TMEM53: variants seen among roughly 807,000 people sequenced by gnomAD.
TMEM53 encodes transmembrane protein 53.
In TMEM53, 14 loss-of-function variants were observed where a neutral mutation model predicts 21.4. The observed-to-expected ratio is 0.65, with a 90% CI of 0.43 to 1.02. The LOEUF (loss-of-function observed/expected upper bound fraction) is 1.02, where lower values mean the gene tolerates loss of function less well. TMEM53 is among the 50% of genes least tolerant of loss of function. The probability of loss-of-function intolerance (pLI) is 0.00; values close to 1 mark genes in which losing one functional copy is unlikely to be tolerated. For synonymous variants in TMEM53, 148 were observed against 157.4 expected (o/e 0.94, Z 0.45); for missense variants, 323 against 383.6 (o/e 0.84, Z 1.32).
chr1:44,660,636 T>G (rs1188764045), intron 1 of TMEM53, among the ~76,000 whole-genome samples: 2 of 152,172 alleles, frequency 1.3e-5, no homozygotes, highest in Non-Finnish European at 2.9e-5. Flanking sequence ...CTGAGCCCAC[T>G]GCCTATTTTT....
At chr1:44,668,368 A>C (rs767085326) in intron 1 of TMEM53, among the ~76,000 whole-genome samples, 3 of 152,016 alleles carry the variant, frequency 2.0e-5, no homozygotes, top group Non-Finnish European at 2.9e-5. Context: ...GTGAACCCAG[A>C]GCTGAGATCG....
rs1461360157 is a variant in TMEM53, at chr1:44,653,247, CTCAT to C, written c.*1308_*1311del. 1.3e-5 allele frequency: 2 copies of C among 152,230 alleles called. No individual in the cohort carries two copies. The highest frequency in any genetic ancestry group is 2.4e-5 in the African/African-American group (1 of 41,442). The allele number at this position is 152,230 out of a possible 1,614,324, so 9.4% of individuals were successfully genotyped here. The stretch of plus-strand genomic sequence containing the variant: ...TAAGCCCCGTGATCACCACGGTAAG[CTCAT>C]TCAATCAAATATTTATTGAATACCT... On this transcript the variant is annotated 3_prime_UTR_variant, in exon 3 of 3. Transcript: ENST00000372237.
chr1:44,669,242 T>C (rs1449181141), intron 1 of TMEM53, among the ~76,000 whole-genome samples: 1 of 152,264 alleles, frequency 6.6e-6, no homozygotes, highest in Non-Finnish European at 1.5e-5. Flanking sequence ...CATTTTTCCC[T>C]GTCAGTTTAT....
At chr1:44,664,619 G>A (rs374606843) in intron 1 of TMEM53, among the ~76,000 whole-genome samples, 9 of 152,130 alleles carry the variant, frequency 5.9e-5, no homozygotes, top group Non-Finnish European at 7.4e-5. Context: ...GCTTGTATCC[G>A]CTATCCTAGC....
rs749499348 is a variant in TMEM53, at chr1:44,660,224, C to T, written c.133G>A (p.Gly45Ser). The T allele has an allele frequency of 1.2e-6, 2 of 1,614,124 alleles. No individual in the cohort carries two copies. Among genetic ancestry groups the T allele is most frequent in the South Asian group, 1.1e-5 (1 of 91,070 alleles). Residue 45 changes from glycine (G) to serine (S), a missense_variant, in exon 2 of 3, where the codon GGC becomes AGC. Gly to Ser is a moderately conservative substitution (Grantham distance 56, BLOSUM62 0). This residue lies in a region of TMEM53 where 269 missense variants were observed against 334.5 expected (regional missense o/e 0.80). Transcript: ENST00000372237. ...TTGGCAAGGTTCTTGTCCTTGCAGCCACCCCAGCCCAAGAGAATCACCACA... is the reference window on the plus strand; with the variant it reads ...TTGGCAAGGTTCTTGTCCTTGCAGCTACCCCAGCCCAAGAGAATCACCACA... ...QPVVILLGWG[G>S]CKDKNLAKYS...
At chr1:44,667,141 C>A (rs761999471) in intron 1 of TMEM53, among the ~76,000 whole-genome samples, 4 of 151,724 alleles carry the variant, frequency 2.6e-5, no homozygotes, top group Non-Finnish European at 5.9e-5. Flanking sequence ...CCGCGCCTGG[C>A]CAGAAGTACA....
In TMEM53 at chr1:44,673,959, T is replaced by C. The variant is rs1187266365; in HGVS notation, c.61+372A>G. On this transcript the variant is annotated intron_variant, in intron 1 of 2. Transcript: ENST00000372237. ...ACGCCTTCGGGAAAATAATAAGTGA[T>C]AGGCTAGATGTGGGAAGCCCAATCC... 12 of 985,246 alleles carry C rather than the reference T, an allele frequency of 1.2e-5. No homozygotes were observed. The Admixed American group carries it at 6.8e-4, about 56-fold the overall frequency. 61.0% of individuals were successfully genotyped at this position (985,246 alleles called of 1,614,324 possible).
rs1196298422 is a variant in TMEM53, at chr1:44,655,888, C to A, written c.184-679G>T. On this transcript the variant is annotated intron_variant, in intron 2 of 2. Coordinates refer to ENST00000372237, the MANE Select transcript of TMEM53 (RefSeq NM_024587.4). The surrounding 1 kb of genome is among the most constrained non-coding windows in gnomAD (Gnocchi z 4.4). The stretch of plus-strand genomic sequence containing the variant: ...CCCGGCCTGGGATCACTCCTCATAT[C>A]TGCCCTGAAATTCCAAATACAGTAA... Among the ~76,000 whole-genome samples, 3 of 152,206 alleles carry A rather than the reference C, an allele frequency of 2.0e-5. No individual in the cohort carries two copies. The highest frequency in any genetic ancestry group is 3.9e-4 in the East Asian group (2 of 5,192).
At chr1:44,664,463 A>G (rs985178460) in intron 1 of TMEM53, among the ~76,000 whole-genome samples, 2 of 152,114 alleles carry the variant, frequency 1.3e-5, no homozygotes, top group Non-Finnish European at 2.9e-5. Context: ...AAAAAAAAAA[A>G]AAAAAATTGC....
rs1198784954 is a variant in TMEM53, at chr1:44,654,315, A to G, written c.*244T>C. ...TGACTGTTGCACTTGTCCAAACACA[A>G]CTGACTGCAAGGCTCCCACAGACAC... On this transcript the variant is annotated 3_prime_UTR_variant, in exon 3 of 3. Coordinates refer to ENST00000372237, the MANE Select transcript of TMEM53 (RefSeq NM_024587.4). This position sits in a 1 kb window ranked among gnomAD's most constrained non-coding sequence, Gnocchi z 7.0. 1.5e-5 allele frequency: 8 copies of G among 518,818 alleles called. No homozygotes were observed. The East Asian group carries it at 2.3e-4, about 15-fold the overall frequency. 32.1% of individuals were successfully genotyped at this position (518,818 alleles called of 1,614,324 possible).
At chr1:44,666,304 G>A (rs943406119) in intron 1 of TMEM53, among the ~76,000 whole-genome samples, 3 of 152,184 alleles carry the variant, frequency 2.0e-5, no homozygotes, top group African/African-American at 7.2e-5. Flanking sequence ...AGCCACTTTG[G>A]AAAACAGTAT....
chr1:44,658,520 A>C (rs1644870058), intron 2 of TMEM53, among the ~76,000 whole-genome samples: 2 of 151,116 alleles, frequency 1.3e-5, no homozygotes, highest in Non-Finnish European at 2.9e-5. Context: ...TTCCTGCCCC[A>C]CCCCTCCAAT....
At position 44,660,312 on chromosome 1, in the gene TMEM53, G is replaced by C. The variant is rs1644889180; in HGVS notation, c.62-17C>G. The C allele has an allele frequency of 1.2e-6, 2 of 1,609,850 alleles. No individual in the cohort carries two copies. Among genetic ancestry groups the C allele is most frequent in the East Asian group, 2.2e-5 (1 of 44,734 alleles). ...GGCTGTTCTCTGAAACACAGATGTG[G>C]ACTGTCAACACCAGAGCTGGGGTGG... On this transcript the variant is annotated splice_polypyrimidine_tract_variant and intron_variant, in intron 1 of 2. Transcript: ENST00000372237.
intron 1 of TMEM53, among the ~76,000 whole-genome samples, chr1:44,661,674 A>G (rs1010416976): frequency 6.6e-6 from 1 of 152,196 alleles, no homozygotes; most frequent in African/African-American, 2.4e-5. Context: ...TTACAGATGA[A>G]GAAACTGAGG....
At chr1:44,674,012 C>G in intron 1 of TMEM53, 1 of 985,478 alleles carries the variant, frequency 1.0e-6, no homozygotes, top group African/African-American at 1.7e-5. Flanking sequence ...AGGGATCCAG[C>G]TTTCGGCAGC....
intron 1 of TMEM53, 170 bp downstream of exon 1, chr1:44,674,161 C>A (rs1048628737): frequency 1.0e-6 from 1 of 985,078 alleles, no homozygotes; most frequent in African/African-American, 1.7e-5. Flanking sequence ...GCGGGACTTA[C>A]GAGGGGCGGG....
At chr1:44,660,415 G>A in intron 1 of TMEM53, 120 bp from the exon 2 acceptor site, 11 of 1,402,052 alleles carry the variant, frequency 7.8e-6, no homozygotes, top group Non-Finnish European at 9.6e-6. Context: ...GCCAGGCCCA[G>A]GCATCCTGCC....
chr1:44,666,706 C>T (rs1644951227), intron 1 of TMEM53, among the ~76,000 whole-genome samples: 1 of 151,856 alleles, frequency 6.6e-6, no homozygotes, highest in Non-Finnish European at 1.5e-5. Context: ...TTGCCAAGGG[C>T]TGGGGGGAGG....
Position 44,660,255 on chromosome 1 carries a change from C to T in TMEM53, c.102G>A (p.Arg34=). Residue 34 remains arginine (R), a synonymous_variant, in exon 2 of 3, where the codon CGG becomes CGA. Transcript: ENST00000372237. ...PSPGGKEAET[R]QPVVILLGWG... is the part of the protein sequence containing the mutation. ...AGCCCAAGAGAATCACCACAGGCTG[C>T]CGAGTTTCTGCCTCCTTCCCACCTG... 1 of 1,614,054 alleles carries T rather than the reference C, an allele frequency of 6.2e-7. No homozygotes were observed. The highest frequency in any genetic ancestry group is 8.5e-7 in the Non-Finnish European group (1 of 1,179,974).
Sources: gnomAD v4.1 joint callset for allele counts (sites outside exome capture counted in the v4.1 genomes callset) on GRCh38, gnomAD v4.1.1 for gene constraint, gnomAD v4.1.1 regional missense constraint, Gnocchi (gnomAD v3.1) non-coding constraint, MANE v1.5 for transcripts, NCBI Gene and HGNC (gene_info 2026-07-23, HGNC 2026-07-21) for gene names.